Variants in SNTG1 observed in about 807,000 individuals in gnomAD.
SNTG1 encodes syntrophin gamma 1, also known as gamma-1-syntrophin.
SNTG1 carries 39 observed loss-of-function variants against 74.7 expected under a neutral mutation model. The ratio of observed to expected loss-of-function variants is 0.52; its 90% CI spans 0.40 to 0.68. SNTG1 has a LOEUF of 0.68. Among genes scored for constraint, SNTG1 ranks in the 30% least tolerant of loss-of-function variants. The pLI, the probability that SNTG1 is intolerant of heterozygous loss-of-function variation, is 0.00. For synonymous variants in SNTG1, 254 were observed against 217.1 expected, an observed-to-expected ratio of 1.17 and a Z score of -1.49; for missense variants, 685 against 609.5, an observed-to-expected ratio of 1.12 and a Z score of -1.30.
intron 9 of SNTG1, among the ~76,000 whole-genome samples, chr8:50,514,965 A>G (rs149120617): frequency 1.1e-3 from 167 of 152,310 alleles, no homozygotes; most frequent in African/African-American, 4.0e-3. Flanking sequence ...CAGTTTTACT[A>G]TTATAAAATA....
chr8:50,303,153 G>T (rs1375746384), intron 2 of SNTG1, among the ~76,000 whole-genome samples: 3 of 152,006 alleles, frequency 2.0e-5, no homozygotes, highest in African/African-American at 7.2e-5. Flanking sequence ...CATTTCTATG[G>T]TCTCTAAGAC....
chr8:50,601,436 A>T (rs932146837), intron 13 of SNTG1, among the ~76,000 whole-genome samples: 3 of 152,078 alleles, frequency 2.0e-5, no homozygotes, highest in Non-Finnish European at 4.4e-5. Flanking sequence ...GGCTTCTAAA[A>T]TTCCTCTTGT....
At chr8:49,934,108 G>A (rs1251367770) in intron 1 of SNTG1, among the ~76,000 whole-genome samples, 4 of 152,094 alleles carry the variant, frequency 2.6e-5, no homozygotes, top group Non-Finnish European at 4.4e-5. Context: ...TATCTAGTTA[G>A]GATGTCTGGG....
At chr8:49,970,995 G>T (rs1009031701) in intron 1 of SNTG1, among the ~76,000 whole-genome samples, 1 of 152,170 alleles carries the variant, frequency 6.6e-6, no homozygotes, top group African/African-American at 2.4e-5. Flanking sequence ...TAGAAAAAGA[G>T]GGAATCCTCC....
intron 1 of SNTG1, among the ~76,000 whole-genome samples, chr8:50,139,528 A>C (rs1158407171): frequency 6.6e-6 from 1 of 152,216 alleles, no homozygotes; most frequent in East Asian, 1.9e-4. Flanking sequence ...CCAACATTCA[A>C]CTTAGTTAAA....
chr8:50,501,419 C>T (rs1243449630), intron 8 of SNTG1, among the ~76,000 whole-genome samples: 1 of 133,106 alleles, frequency 7.5e-6, no homozygotes, highest in Non-Finnish European at 1.5e-5. Context: ...AGAGATGAGC[C>T]TGTGCGTTTT....
chr8:50,706,050 C>A (rs10086876), intron 16 of SNTG1, among the ~76,000 whole-genome samples: 1 of 152,074 alleles, frequency 6.6e-6, no homozygotes, highest in Non-Finnish European at 1.5e-5. Context: ...GAACTGATTT[C>A]TATTTTCTGA....
At chr8:50,403,713 T>C (rs2131360610) in intron 4 of SNTG1, among the ~76,000 whole-genome samples, 1 of 152,268 alleles carries the variant, frequency 6.6e-6, no homozygotes, top group Admixed American at 6.5e-5. Flanking sequence ...TAAGGAGAAA[T>C]ATCCTATGGC....
At chr8:50,319,496 G>C (rs2090446131) in intron 2 of SNTG1, among the ~76,000 whole-genome samples, 1 of 152,064 alleles carries the variant, frequency 6.6e-6, no homozygotes, top group Non-Finnish European at 1.5e-5. Context: ...CCAAATATAA[G>C]ATTACATCCT....
At chr8:50,341,219 C>T (rs1294379334) in intron 2 of SNTG1, among the ~76,000 whole-genome samples, 2 of 151,718 alleles carry the variant, frequency 1.3e-5, no homozygotes, top group East Asian at 3.9e-4. Flanking sequence ...AATATTTAAC[C>T]CAGTACTCCT....
At chr8:50,103,975 G>A (rs971841284) in intron 1 of SNTG1, among the ~76,000 whole-genome samples, 3 of 152,132 alleles carry the variant, frequency 2.0e-5, no homozygotes, top group African/African-American at 7.2e-5. Flanking sequence ...GTATTTTATT[G>A]AGGATTTTTG....
chr8:50,715,752 G>T (rs1371578323), intron 17 of SNTG1, among the ~76,000 whole-genome samples: 2 of 152,114 alleles, frequency 1.3e-5, no homozygotes, highest in Admixed American at 1.3e-4. Flanking sequence ...TGAGAATTAA[G>T]AGGCAATCAA....
chr8:50,612,689 T>C, intron 13 of SNTG1, among the ~76,000 whole-genome samples: 1 of 152,150 alleles, frequency 6.6e-6, no homozygotes, highest in South Asian at 2.1e-4. Flanking sequence ...ATCTGACTTA[T>C]TTTCTATATT....
intron 1 of SNTG1, among the ~76,000 whole-genome samples, chr8:50,049,004 TAAAA>T (rs954922167): frequency 6.6e-6 from 1 of 151,704 alleles, no homozygotes; most frequent in East Asian, 1.9e-4. Context: ...TCAAAAAAGT[TAAAA>T]AAACTATAAT....
intron 13 of SNTG1, among the ~76,000 whole-genome samples, chr8:50,634,799 C>T (rs1001938482): frequency 6.6e-6 from 1 of 152,184 alleles, no homozygotes; most frequent in Non-Finnish European, 1.5e-5. Flanking sequence ...TGCAGCCCCA[C>T]CCTAATACCT....
At chr8:50,245,813 A>T (rs557011556) in intron 2 of SNTG1, among the ~76,000 whole-genome samples, 12 of 152,260 alleles carry the variant, frequency 7.9e-5, no homozygotes, top group Admixed American at 7.2e-4. Context: ...GTCAGTCGTA[A>T]CACTATAGTG....
chr8:50,029,677 T>C (rs958529496), intron 1 of SNTG1, among the ~76,000 whole-genome samples: 1 of 152,142 alleles, frequency 6.6e-6, no homozygotes, highest in African/African-American at 2.4e-5. Context: ...ATGACATGAT[T>C]CCATTCTTTT....
chr8:50,194,012 G>C (rs192657527), intron 2 of SNTG1, among the ~76,000 whole-genome samples: 39 of 152,218 alleles, frequency 2.6e-4, no homozygotes, highest in African/African-American at 9.2e-4. Context: ...TGCATCTCTG[G>C]TATGAAAACC....
chr8:50,542,371 G>A (rs1047242241), intron 11 of SNTG1, among the ~76,000 whole-genome samples: 2 of 151,658 alleles, frequency 1.3e-5, no homozygotes, highest in African/African-American at 2.4e-5. Context: ...TGGCTAGCCT[G>A]GTCTGGAACT....
Sources: allele counts gnomAD v4.1 joint callset (sites outside exome capture counted in the v4.1 genomes callset), GRCh38; gene constraint gnomAD v4.1.1; transcripts MANE v1.5; gene names NCBI Gene and HGNC (gene_info 2026-07-23, HGNC 2026-07-21).